The following E2F7 variants were observed in gnomAD, a reference collection of about 807,000 sequenced individuals.
E2F7 encodes the protein transcription factor E2F7.
A neutral mutation model predicts 81.1 loss-of-function variants in E2F7; 35 were observed. That is an observed-to-expected ratio of 0.43 (90% CI 0.33 to 0.57). The LOEUF is 0.57. E2F7 is among the 20% of genes least tolerant of loss of function. The probability of loss-of-function intolerance (pLI) is 0.04; values close to 1 mark genes in which losing one functional copy is unlikely to be tolerated. For missense variants in E2F7, 961 were observed against 1,093.7 expected (o/e 0.88, Z 1.71); for synonymous variants, 416 against 416.2 (o/e 1.00, Z 0.01).
chr12:77,026,969 GA>G (rs1334549569), intron 11 of E2F7, among the ~76,000 whole-genome samples: 18 of 152,208 alleles, frequency 1.2e-4, no homozygotes, highest in African/African-American at 4.1e-4. Flanking sequence ...CCATGGCACA[GA>G]AAAAGTTAAA....
chr12:77,034,046 C>T lies in E2F7; in HGVS notation c.1124-4G>A, dbSNP rs2120652091. ...GAAACATCCACCAGTTCTTCATCTA[C>T]ATAAACGAGAGAATTGGTAGTGTTG... is the stretch of plus-strand genomic sequence containing the variant. On this transcript the variant is annotated splice_polypyrimidine_tract_variant and splice_region_variant and intron_variant, in intron 7 of 12. Coordinates refer to ENST00000322886, the MANE Select transcript of E2F7 (RefSeq NM_203394.3). 6.2e-7 allele frequency: 1 copy of T among 1,609,334 alleles called. No homozygotes were observed. The highest frequency in any genetic ancestry group is 8.5e-7 in the Non-Finnish European group (1 of 1,178,106).
chr12:77,054,945 G>A (rs118146368), intron 3 of E2F7, among the ~76,000 whole-genome samples: 1 of 152,208 alleles, frequency 6.6e-6, no homozygotes, highest in East Asian at 1.9e-4. Context: ...CCCAGCTAGT[G>A]ATTTGAACCT....
intron 2 of E2F7, among the ~76,000 whole-genome samples, chr12:77,057,236 A>C (rs1565912911): frequency 6.6e-6 from 1 of 151,762 alleles, no homozygotes; most frequent in East Asian, 1.9e-4. Context: ...CACTGCACCC[A>C]GCTAATTTTT....
intron 10 of E2F7, 115 bp from the exon 11 acceptor site, chr12:77,028,253 C>T: frequency 7.4e-7 from 1 of 1,353,734 alleles, no homozygotes; most frequent in South Asian, 1.5e-5. Context: ...AGTGCAGTGG[C>T]ACGATCCCAG....
At chr12:77,056,979 T>C (rs1250230734) in intron 2 of E2F7, among the ~76,000 whole-genome samples, 1 of 151,718 alleles carries the variant, frequency 6.6e-6, no homozygotes, top group Non-Finnish European at 1.5e-5. Context: ...CTCAAACTCC[T>C]GGGCACGTGC....
chr12:77,062,479 C>T (rs982338206), intron 2 of E2F7, among the ~76,000 whole-genome samples: 2 of 152,182 alleles, frequency 1.3e-5, no homozygotes, highest in Non-Finnish European at 2.9e-5. Flanking sequence ...CCTAGTAACT[C>T]TGTGGAAGCA....
rs757372534 is a variant in E2F7, at chr12:77,023,895, G to T, written c.*120C>A. 2 of 1,208,128 alleles carry T rather than the reference G, an allele frequency of 1.7e-6. No individual in the cohort carries two copies. The highest frequency in any genetic ancestry group is 2.3e-6 in the Non-Finnish European group (2 of 863,944). 74.8% of individuals were successfully genotyped at this position (1,208,128 alleles called of 1,614,324 possible). On this transcript the variant is annotated 3_prime_UTR_variant, in exon 13 of 13. Transcript: ENST00000322886. ...GATTGATGGTGGTGGGAAGTTAACAGAAGTGTGGATGAAAGAGAGAGGAAG... is the reference window on the plus strand; with the variant it reads ...GATTGATGGTGGTGGGAAGTTAACATAAGTGTGGATGAAAGAGAGAGGAAG...
chr12:77,059,836 G>A (rs1208480232), intron 2 of E2F7, among the ~76,000 whole-genome samples: 2 of 151,870 alleles, frequency 1.3e-5, no homozygotes, highest in East Asian at 1.9e-4. Flanking sequence ...GGTGGCGGGC[G>A]CCTGTAGTCC....
chr12:77,039,666 G>A (rs1954880140), intron 7 of E2F7, among the ~76,000 whole-genome samples: 1 of 152,160 alleles, frequency 6.6e-6, no homozygotes, highest in Non-Finnish European at 1.5e-5. Context: ...ATCAAGTTTT[G>A]GCAAGATATG....
intron 7 of E2F7, 76 bp from the exon 8 acceptor site, chr12:77,034,118 C>A: frequency 3.1e-6 from 4 of 1,287,452 alleles, no homozygotes; most frequent in Non-Finnish European, 4.2e-6. Context: ...TAAGAGATGG[C>A]TTTGAACCTA....
intron 9 of E2F7, among the ~76,000 whole-genome samples, chr12:77,031,147 C>T (rs1469952419): frequency 1.3e-5 from 2 of 152,118 alleles, no homozygotes; most frequent in Non-Finnish European, 2.9e-5. Context: ...TGCTCGAGCC[C>T]AGGAGTTTGA....
At chr12:77,039,693 C>T (rs192168229) in intron 7 of E2F7, among the ~76,000 whole-genome samples, 1 of 152,314 alleles carries the variant, frequency 6.6e-6, no homozygotes, top group Non-Finnish European at 1.5e-5. Context: ...CTAGAACTCT[C>T]ATATACTGTT....
chr12:77,044,808 T>C lies in E2F7; in HGVS notation c.830-13A>G. 4 of 1,611,984 alleles carry C rather than the reference T, an allele frequency of 2.5e-6. No homozygotes were observed. The highest frequency in any genetic ancestry group is 3.4e-6 in the Non-Finnish European group (4 of 1,179,276). The stretch of plus-strand genomic sequence containing the variant: ...CTGTTTGCAGATGCTACACAAGGAA[T>C]GAAACAAAAGCATCAAAGTATATGA... On this transcript the variant is annotated splice_polypyrimidine_tract_variant and intron_variant, in intron 5 of 12. Coordinates refer to ENST00000322886, the MANE Select transcript of E2F7 (RefSeq NM_203394.3).
intron 3 of E2F7, among the ~76,000 whole-genome samples, chr12:77,054,223 A>T (rs1260160075): frequency 6.6e-6 from 1 of 152,060 alleles, no homozygotes; most frequent in Non-Finnish European, 1.5e-5. Flanking sequence ...CACTGAACTT[A>T]AAAGTTAGAA....
chr12:77,047,882 ATC>A (rs1565906845), intron 4 of E2F7, among the ~76,000 whole-genome samples: 1 of 152,140 alleles, frequency 6.6e-6, no homozygotes, highest in Non-Finnish European at 1.5e-5. Flanking sequence ...GTATTAACAC[ATC>A]TTGTTTAGAG....
chr12:77,034,230 T>C (rs548815167), intron 7 of E2F7, among the ~76,000 whole-genome samples, 188 bp from the exon 8 acceptor site: 147 of 152,346 alleles, frequency 9.6e-4, no homozygotes, highest in African/African-American at 3.2e-3. Flanking sequence ...TGTACTTTTT[T>C]TTTTAAGTTA....
rs749569361 is a variant in E2F7 at position 77,046,082 on chromosome 12, T to C, written c.785A>G (p.Gln262Arg). ...AGAGAAATCCAGTAACTGTTGTTCC[T>C]GGGAATCTGGATCACCATCTTTTTT... ...ERKKDGDPDS[Q>R]EQQLLDFSEP... Residue 262 changes from glutamine (Q) to arginine (R), a missense_variant, in exon 5 of 13, where the codon CAG becomes CGG. By Grantham distance (43) the Gln-to-Arg change is conservative (BLOSUM62 1). Around this residue, in one of 3 missense-constraint regions of E2F7, gnomAD observed 301 missense variants for 405.0 expected, o/e 0.74. Coordinates refer to ENST00000322886, the MANE Select transcript of E2F7 (RefSeq NM_203394.3). 1 of 1,614,214 alleles carries C rather than the reference T, an allele frequency of 6.2e-7. No homozygotes were observed. Among genetic ancestry groups the C allele is most frequent in the Non-Finnish European group, 8.5e-7 (1 of 1,180,030 alleles).
chr12:77,050,739 A>G lies in E2F7; in HGVS notation c.375T>C (p.Asp125=), dbSNP rs1005237728. The change falls in exon 4 of 13, where the codon GAT becomes GAC. Residue 125 remains aspartate, a synonymous_variant. Coordinates refer to ENST00000322886, the MANE Select transcript of E2F7 (RefSeq NM_203394.3). The part of the protein sequence containing the change: ...DDAFTDSLQL[D]VVGDSAVDEF... ...CGTCCACAGCACTGTCCCCAACAACATCAAGCTACAGAGGGCAGATAGAAG... is the reference window on the plus strand; with the variant it reads ...CGTCCACAGCACTGTCCCCAACAACGTCAAGCTACAGAGGGCAGATAGAAG... The G allele has an allele frequency of 1.2e-6, 2 of 1,612,968 alleles. No homozygotes were observed. The highest frequency in any genetic ancestry group is 1.7e-6 in the Non-Finnish European group (2 of 1,179,444).
chr12:77,045,993 C>T, intron 5 of E2F7, 45 bp downstream of exon 5: 1 of 1,584,752 alleles, frequency 6.3e-7, no homozygotes, highest in Non-Finnish European at 8.6e-7. Flanking sequence ...GAGACCATCA[C>T]TTGCTCTTTC....
Sources: allele counts gnomAD v4.1 joint callset (sites outside exome capture counted in the v4.1 genomes callset), GRCh38; gene constraint gnomAD v4.1.1; regional missense constraint gnomAD v4.1.1; transcripts MANE v1.5; gene names NCBI Gene and HGNC (gene_info 2026-07-23, HGNC 2026-07-21).